FANCB: variants seen among roughly 807,000 people sequenced by gnomAD.
FANCB encodes Fanconi anemia group B protein.
In FANCB, 5 loss-of-function variants were observed where a neutral mutation model predicts 38.9. The observed-to-expected ratio is 0.13, with a 90% CI of 0.07 to 0.27. FANCB has a LOEUF of 0.27. Ranked by LOEUF, FANCB falls within the 10% of genes least tolerant of loss-of-function variation. The pLI, the probability that FANCB is intolerant of heterozygous loss-of-function variation, is 1.00. For missense variants in FANCB, 573 were observed against 602.7 expected (o/e 0.95, Z 0.52); for synonymous variants, 236 against 215.4 (o/e 1.10, Z -0.84).
At chrX:14,825,974 C>G in the FANCB span, among the ~76,000 whole-genome samples, 38 of 112,154 alleles carry the variant, frequency 3.4e-4, no homozygotes, top group African/African-American at 1.2e-3. Context: ...AGAGACAGTT[C>G]TGTCCTTCAA....
At chrX:14,698,765 C>T in the FANCB span, among the ~76,000 whole-genome samples, 16 of 107,703 alleles carry the variant, frequency 1.5e-4, no homozygotes, top group Non-Finnish European at 1.1e-4. Context: ...AGAAACTGAC[C>T]TCTGAAATAA....
chrX:14,787,077 G>A, the FANCB span, among the ~76,000 whole-genome samples: 3 of 110,593 alleles, frequency 2.7e-5, no homozygotes, highest in Non-Finnish European at 3.8e-5. Context: ...CTCACTTAGG[G>A]TAGGGGGTTG....
At chrX:14,835,394 G>A (rs1255322345), downstream of FANCB, 226 of 380,460 alleles carry the variant, frequency 5.9e-4, 1 homozygote, top group Admixed American at 2.8e-3. Context: ...GAGAAGAGCC[G>A]CGCAGGACAG....
At chrX:14,797,269 G>C in the FANCB span, among the ~76,000 whole-genome samples, 14 of 111,760 alleles carry the variant, frequency 1.3e-4, no homozygotes, top group Non-Finnish European at 2.4e-4. Flanking sequence ...CCTCATGGCA[G>C]GTTGGCTGGC....
the FANCB span, among the ~76,000 whole-genome samples, chrX:14,798,647 G>C: frequency 9.0e-6 from 1 of 111,637 alleles, no homozygotes; most frequent in Non-Finnish European, 1.9e-5. Context: ...ATAAATAAAA[G>C]CATAAATCAT....
Position 14,864,553 on chromosome X carries a change from G to A in FANCB, c.951+7C>T. The A allele has an allele frequency of 8.4e-6, 9 of 1,077,587 alleles. No individual in the cohort carries two copies. Among genetic ancestry groups the A allele is most frequent in the Non-Finnish European group, 1.2e-5 (9 of 773,235 alleles). The allele number at this position is 1,077,587 out of a possible 1,213,427, so 88.8% of individuals were successfully genotyped here. Reference sequence around the variant, plus strand: ...CAACTGAATTATTATTACAATAAGTGTTGTACCTGAAAGCTCTCTTTCCAT... The same window carrying A: ...CAACTGAATTATTATTACAATAAGTATTGTACCTGAAAGCTCTCTTTCCAT... On this transcript the variant is annotated splice_region_variant and intron_variant, in intron 3 of 9. Coordinates refer to ENST00000650831, the MANE Select transcript of FANCB (RefSeq NM_001018113.3).
the FANCB span, among the ~76,000 whole-genome samples, chrX:14,795,644 T>C: frequency 1.8e-5 from 2 of 112,129 alleles, no homozygotes; most frequent in Non-Finnish European, 3.8e-5. Context: ...GAATTTCTGT[T>C]TAATGACTTC....
chrX:14,747,183 A>G, the FANCB span, among the ~76,000 whole-genome samples: 4 of 112,464 alleles, frequency 3.6e-5, no homozygotes, highest in African/African-American at 1.3e-4. Context: ...TGTTTTCAAC[A>G]TAATGGGAAT....
the FANCB span, among the ~76,000 whole-genome samples, chrX:14,788,122 C>G: frequency 9.3e-6 from 1 of 107,845 alleles, no homozygotes; most frequent in Non-Finnish European, 1.9e-5. Context: ...GAAATGTGCC[C>G]GAGAGGGACT....
intron 9 of FANCB, 41 bp from the exon 10 acceptor site, chrX:14,844,022 C>T: frequency 1.8e-6 from 2 of 1,096,934 alleles, no homozygotes; most frequent in South Asian, 1.9e-5. Flanking sequence ...AAAATTAGGA[C>T]AGCACAAAGC....
chrX:14,725,308 T>C, the FANCB span, among the ~76,000 whole-genome samples: 6 of 112,007 alleles, frequency 5.4e-5, no homozygotes, highest in African/African-American at 1.6e-4. Context: ...TCCTCTTATA[T>C]CCAGGTCTGT....
At chrX:14,843,298 G>T, downstream of FANCB, 2 of 300,521 alleles carry the variant, frequency 6.7e-6, no homozygotes, top group East Asian at 6.0e-5. Flanking sequence ...TAGCACCCCT[G>T]CCTCACCCCT....
chrX:14,730,743 C>T, the FANCB span: 16 of 337,068 alleles, frequency 4.7e-5, no homozygotes, highest in African/African-American at 3.9e-4. Flanking sequence ...ATTGTTCTTT[C>T]AGTCAGACAT....
At chrX:14,705,362 T>C in the FANCB span, among the ~76,000 whole-genome samples, 1 of 112,039 alleles carries the variant, frequency 8.9e-6, no homozygotes. Flanking sequence ...GAGGCGTTTT[T>C]AGTTCTCACA....
chrX:14,822,909 T>C, the FANCB span, among the ~76,000 whole-genome samples: 2 of 110,931 alleles, frequency 1.8e-5, no homozygotes, highest in Admixed American at 1.9e-4. Flanking sequence ...ATGGTAGTTT[T>C]TTATTTTGAA....
At chrX:14,839,022 G>A (rs1217057574), downstream of FANCB, among the ~76,000 whole-genome samples, 2 of 111,737 alleles carry the variant, frequency 1.8e-5, no homozygotes, top group Admixed American at 1.9e-4. Context: ...TGGGCACAGT[G>A]GCTCATGCCT....
chrX:14,804,953 C>A, the FANCB span, among the ~76,000 whole-genome samples: 1,580 of 112,162 alleles, frequency 0.014, 26 homozygotes, highest in African/African-American at 0.041. Context: ...ACTAAGAAAT[C>A]AAAGGCTGTA....
At chrX:14,720,491 C>T in the FANCB span, among the ~76,000 whole-genome samples, 1 of 111,234 alleles carries the variant, frequency 9.0e-6, no homozygotes, top group Non-Finnish European at 1.9e-5. Context: ...TGGAGACATA[C>T]AGAGGATAAC....
At chrX:14,828,529 C>T in the FANCB span, among the ~76,000 whole-genome samples, 11 of 111,725 alleles carry the variant, frequency 9.8e-5, no homozygotes, top group Non-Finnish European at 1.3e-4. Flanking sequence ...AGAAACAACC[C>T]CTCATCCATT....
Sources: allele counts gnomAD v4.1 joint callset (sites outside exome capture counted in the v4.1 genomes callset), GRCh38; gene constraint gnomAD v4.1.1; transcripts MANE v1.5; gene names NCBI Gene and HGNC (gene_info 2026-07-23, HGNC 2026-07-21).